EPHB1: variants seen among roughly 807,000 people sequenced by gnomAD.
EPHB1 encodes the protein EPH receptor B1, also known as ephrin type-B receptor 1.
A neutral mutation model predicts 94.4 loss-of-function variants in EPHB1; 30 were observed. That is an observed-to-expected ratio of 0.32 (90% confidence interval 0.24 to 0.43). The LOEUF (loss-of-function observed/expected upper bound fraction) is 0.43, where lower values mean the gene tolerates loss of function less well. EPHB1 is among the 20% of genes least tolerant of loss of function. The pLI is 1.00. For synonymous variants in EPHB1, 522 were observed against 489.1 expected, an observed-to-expected ratio of 1.07 and a Z score of -0.89; for missense variants, 1,055 against 1,308.3, an observed-to-expected ratio of 0.81 and a Z score of 2.99.
intron 3 of EPHB1, among the ~76,000 whole-genome samples, chr3:135,070,770 C>T (rs1336859267): frequency 2.0e-5 from 3 of 152,084 alleles, no homozygotes; most frequent in African/African-American, 7.2e-5. Flanking sequence ...CATTTTAAGA[C>T]AAATGTTTCA....
intron 4 of EPHB1, among the ~76,000 whole-genome samples, chr3:135,126,954 C>G (rs1175617071): frequency 6.6e-6 from 1 of 152,112 alleles, no homozygotes; most frequent in Non-Finnish European, 1.5e-5. Flanking sequence ...GGTGAAGATT[C>G]CCGATAATCC....
intron 3 of EPHB1, among the ~76,000 whole-genome samples, chr3:135,018,910 C>T (rs77150786): frequency 2.6e-4 from 39 of 152,288 alleles, no homozygotes; most frequent in Non-Finnish European, 4.7e-4. Flanking sequence ...CAGGAATGAG[C>T]CTCGCCAGCT....
chr3:135,128,304 C>T (rs1292946945), intron 4 of EPHB1, among the ~76,000 whole-genome samples: 1 of 152,234 alleles, frequency 6.6e-6, no homozygotes, highest in Non-Finnish European at 1.5e-5. Context: ...ATGAATACTC[C>T]CTGCAAGAGT....
At chr3:134,901,627 C>A (rs1020553408) in intron 1 of EPHB1, among the ~76,000 whole-genome samples, 5 of 152,220 alleles carry the variant, frequency 3.3e-5, no homozygotes, top group African/African-American at 7.2e-5. Context: ...AGCCTCTAAG[C>A]TACAGCCAGC....
At chr3:135,100,912 C>T (rs1373352374) in intron 3 of EPHB1, among the ~76,000 whole-genome samples, 2 of 152,066 alleles carry the variant, frequency 1.3e-5, no homozygotes, top group East Asian at 1.9e-4. Context: ...TGTCTCCTCC[C>T]CTTTTCTGAA....
intron 3 of EPHB1, among the ~76,000 whole-genome samples, chr3:135,056,992 G>A (rs1236386918): frequency 6.6e-6 from 1 of 152,192 alleles, no homozygotes; most frequent in African/African-American, 2.4e-5. Flanking sequence ...TATGCAGAGT[G>A]GCAGTATGGA....
chr3:134,913,660 T>G (rs2038504755), intron 1 of EPHB1, among the ~76,000 whole-genome samples: 1 of 152,154 alleles, frequency 6.6e-6, no homozygotes, highest in African/African-American at 2.4e-5. Context: ...GAGAGCCCAC[T>G]TCCATCAAGG....
chr3:134,982,987 T>C (rs1333310717), intron 3 of EPHB1, among the ~76,000 whole-genome samples: 1 of 152,242 alleles, frequency 6.6e-6, no homozygotes, highest in African/African-American at 2.4e-5. Flanking sequence ...GATTACTCTG[T>C]CCTTATCAAA....
chr3:135,049,140 T>TAG (rs1937094404), intron 3 of EPHB1, among the ~76,000 whole-genome samples: 1 of 152,220 alleles, frequency 6.6e-6, no homozygotes, highest in Non-Finnish European at 1.5e-5. Flanking sequence ...GCAGGTGAGT[T>TAG]AGAGAGATGC....
intron 3 of EPHB1, among the ~76,000 whole-genome samples, chr3:135,082,162 G>A (rs1938187501): frequency 6.6e-6 from 1 of 152,272 alleles, no homozygotes; most frequent in African/African-American, 2.4e-5. Flanking sequence ...CATGTTCCGT[G>A]GGAGAACTGC....
At chr3:135,077,393 C>A (rs1034309639) in intron 3 of EPHB1, among the ~76,000 whole-genome samples, 1 of 152,244 alleles carries the variant, frequency 6.6e-6, no homozygotes. Flanking sequence ...AGCCACCATG[C>A]CTTTGACTTG....
At chr3:134,994,837 T>G (rs1230383806) in intron 3 of EPHB1, among the ~76,000 whole-genome samples, 1 of 152,246 alleles carries the variant, frequency 6.6e-6, no homozygotes, top group Non-Finnish European at 1.5e-5. Flanking sequence ...CACGAAGTTT[T>G]AAGAAATATT....
intron 3 of EPHB1, among the ~76,000 whole-genome samples, chr3:135,004,132 A>G (rs1200581481): frequency 3.4e-4 from 51 of 151,904 alleles, no homozygotes; most frequent in East Asian, 2.1e-3. Flanking sequence ...CTTCCTTCAG[A>G]AGCTCTTTTA....
At position 135,192,753 on chromosome 3, in the gene EPHB1, T is replaced by G. The variant is rs1413864044; in HGVS notation, c.2060T>G (p.Val687Gly). The change falls in exon 11 of 16, where the codon GTC (valine) becomes GGC (glycine). Residue 687 changes from valine (V) to glycine (G), a missense_variant. Coordinates refer to ENST00000398015, the MANE Select transcript of EPHB1 (RefSeq NM_004441.5). ...AACATCATTCGCCTGGAGGGTGTGGTCACCAAGAGTCGGCCTGTCATGATC... is the reference window on the plus strand; with the variant it reads ...AACATCATTCGCCTGGAGGGTGTGGGCACCAAGAGTCGGCCTGTCATGATC... ...HPNIIRLEGV[V>G]TKSRPVMIIT... 6.2e-7 allele frequency: 1 copy of G among 1,614,014 alleles called. No homozygotes were observed. The highest frequency in any genetic ancestry group is 1.3e-5 in the African/African-American group (1 of 74,916).
At chr3:135,012,618 G>A (rs1026361523) in intron 3 of EPHB1, among the ~76,000 whole-genome samples, 3 of 152,208 alleles carry the variant, frequency 2.0e-5, no homozygotes, top group Admixed American at 6.5e-5. Flanking sequence ...GTTCAAATTT[G>A]TTGGATTTAG....
At chr3:135,097,168 GTT>G (rs145129220) in intron 3 of EPHB1, among the ~76,000 whole-genome samples, 92 of 104,578 alleles carry the variant, frequency 8.8e-4, no homozygotes, top group African/African-American at 2.9e-3. Flanking sequence ...TTTTTTCTTT[GTT>G]TTTTTTTTTT....
intron 6 of EPHB1, among the ~76,000 whole-genome samples, chr3:135,157,355 G>A (rs1269568337): frequency 6.6e-6 from 1 of 152,182 alleles, no homozygotes; most frequent in Non-Finnish European, 1.5e-5. Flanking sequence ...GTATACCTTG[G>A]CTCCTTCCTC....
chr3:135,238,782 A>G (rs536100467), intron 12 of EPHB1, among the ~76,000 whole-genome samples: 1 of 152,020 alleles, frequency 6.6e-6, no homozygotes, highest in Non-Finnish European at 1.5e-5. Context: ...TTAAACTCCA[A>G]TTCTCTCCTA....
intron 3 of EPHB1, among the ~76,000 whole-genome samples, chr3:135,041,945 T>C (rs923468662): frequency 1.3e-5 from 2 of 152,076 alleles, no homozygotes; most frequent in Non-Finnish European, 2.9e-5. Context: ...TTCATTTATT[T>C]ATTTTCTGAG....
Sources: allele counts gnomAD v4.1 joint callset (sites outside exome capture counted in the v4.1 genomes callset), GRCh38; gene constraint gnomAD v4.1.1; transcripts MANE v1.5; gene names NCBI Gene and HGNC (gene_info 2026-07-23, HGNC 2026-07-21).